Variants in PIEZO2 observed in about 807,000 individuals in gnomAD.
PIEZO2 encodes piezo type mechanosensitive ion channel component 2.
In PIEZO2, 172 loss-of-function variants were observed where a neutral mutation model predicts 337.3. That is an observed-to-expected ratio of 0.51 (90% confidence interval 0.45 to 0.58). PIEZO2 has a LOEUF of 0.58. PIEZO2 is among the 20% of genes least tolerant of loss of function. PIEZO2 has a pLI of 0.00. For missense variants in PIEZO2, 3,028 were observed against 3,391.3 expected (o/e 0.89, Z 2.66); for synonymous variants, 1,251 against 1,228.5 (o/e 1.02, Z -0.38).
chr18:10,978,465 A>T (rs1313296709), intron 3 of PIEZO2, among the ~76,000 whole-genome samples: 1 of 152,234 alleles, frequency 6.6e-6, no homozygotes, highest in Non-Finnish European at 1.5e-5. Flanking sequence ...GATCTTAAAA[A>T]ATCGTCTTGA....
rs2033818448 is a variant in PIEZO2 at position 10,672,363 on chromosome 18, G to A, written c.8345+327C>T. Among the ~76,000 whole-genome samples, 1 of 152,134 alleles carries A rather than the reference G, an allele frequency of 6.6e-6. No individual in the cohort carries two copies. Among genetic ancestry groups the A allele is most frequent in the Non-Finnish European group, 1.5e-5 (1 of 68,012 alleles). ...ATGTCTAATAGATCCATCTGCTAAGGATTAGAAGGAAATCTAAGCAGAAAA... is the reference window on the plus strand; with the variant it reads ...ATGTCTAATAGATCCATCTGCTAAGAATTAGAAGGAAATCTAAGCAGAAAA... On this transcript the variant is annotated intron_variant, in intron 55 of 55. Transcript: ENST00000674853. This position sits in a 1 kb window ranked among gnomAD's most constrained non-coding sequence, Gnocchi z 4.7.
At chr18:10,990,443 A>G (rs2145550580) in intron 2 of PIEZO2, among the ~76,000 whole-genome samples, 1 of 152,242 alleles carries the variant, frequency 6.6e-6, no homozygotes, top group Admixed American at 6.5e-5. Context: ...CTCTCCACTC[A>G]AAGCTGGAGA....
At chr18:10,976,383 A>G (rs1198656495) in intron 3 of PIEZO2, among the ~76,000 whole-genome samples, 2 of 152,220 alleles carry the variant, frequency 1.3e-5, no homozygotes, top group East Asian at 3.8e-4. Flanking sequence ...ATTTCTATAA[A>G]CCCACCTTCA....
intron 7 of PIEZO2, among the ~76,000 whole-genome samples, chr18:10,811,888 C>T (rs1598517165): frequency 1.3e-5 from 2 of 152,176 alleles, no homozygotes; most frequent in African/African-American, 4.8e-5. Context: ...GGCTGGAGTG[C>T]AGTGGTGCGA....
At position 10,699,024 on chromosome 18, in the gene PIEZO2, T is replaced by C. The variant is rs975638914; in HGVS notation, c.6595A>G (p.Thr2199Ala). ...ACAGCTGTCTGCTGCTCCGGGAAGG[T>C]CACATGCACTGACTCCACAGACGCG... ...LAASVESVHV[T>A]FPEQQTAVRR... Residue 2199 changes from threonine to alanine, a missense_variant, in exon 44 of 56, where the codon ACC (threonine) becomes GCC (alanine). By Grantham distance (58) the Thr-to-Ala change is moderately conservative. Coordinates refer to ENST00000674853, the MANE Select transcript of PIEZO2 (RefSeq NM_001378183.1). The C allele has an allele frequency of 2.0e-6, 3 of 1,536,928 alleles. No individual in the cohort carries two copies. The highest frequency in any genetic ancestry group is 3.9e-5 in the Admixed American group (2 of 50,970).
chr18:10,786,888 A>C, intron 16 of PIEZO2, 148 bp downstream of exon 16: 1 of 808,846 alleles, frequency 1.2e-6, no homozygotes, highest in Non-Finnish European at 1.9e-6. Context: ...AAGAGAACAC[A>C]AAAACGACTC....
At chr18:10,904,439 C>T (rs896038272) in intron 4 of PIEZO2, among the ~76,000 whole-genome samples, 13 of 149,874 alleles carry the variant, frequency 8.7e-5, no homozygotes, top group African/African-American at 2.7e-4. Flanking sequence ...GTAGTACTTC[C>T]CCCCAGTCAC....
rs2038747127 is a variant in PIEZO2, at chr18:10,775,366, G to A, written c.2535-1328C>T. ...GTGAAATGTTATTAAATGTGGAAGT[G>A]ATCGGCTGCTGCACAGTCGTCAGTA... is the stretch of plus-strand genomic sequence containing the variant. On this transcript the variant is annotated intron_variant, in intron 18 of 55. Transcript: ENST00000674853. This position sits in a 1 kb window ranked among gnomAD's most constrained non-coding sequence, Gnocchi z 4.3. Among the ~76,000 whole-genome samples the A allele has an allele frequency of 6.6e-6, 1 of 152,158 alleles. No homozygotes were observed. Among genetic ancestry groups the A allele is most frequent in the Non-Finnish European group, 1.5e-5 (1 of 68,048 alleles).
chr18:10,968,443 G>C (rs1568250356), intron 3 of PIEZO2, among the ~76,000 whole-genome samples: 1 of 152,050 alleles, frequency 6.6e-6, no homozygotes, highest in Non-Finnish European at 1.5e-5. Context: ...ACACTTTTTT[G>C]GTTCCATATG....
chr18:10,844,230 C>T (rs142526986), intron 7 of PIEZO2, among the ~76,000 whole-genome samples: 52 of 151,738 alleles, frequency 3.4e-4, no homozygotes, highest in African/African-American at 1.1e-3. Flanking sequence ...ACCAGCCTGG[C>T]CAACATGGCG....
rs1023221375 is a variant in PIEZO2, at chr18:10,863,309, T to C, written c.493-6098A>G. Reference sequence around the variant, plus strand: ...AAAAGATAGATGTGTTTGAATGCTATTGTGTGTACCTTATGCAAGCCTAAC... The same window carrying C: ...AAAAGATAGATGTGTTTGAATGCTACTGTGTGTACCTTATGCAAGCCTAAC... On this transcript the variant is annotated intron_variant, in intron 5 of 55. Coordinates refer to ENST00000674853, the MANE Select transcript of PIEZO2 (RefSeq NM_001378183.1). This position sits in a 1 kb window ranked among gnomAD's most constrained non-coding sequence, Gnocchi z 4.3. Among the ~76,000 whole-genome samples, 1 of 152,238 alleles carries C rather than the reference T, an allele frequency of 6.6e-6. No homozygotes were observed. The highest frequency in any genetic ancestry group is 1.5e-5 in the Non-Finnish European group (1 of 68,048).
At chr18:10,770,602 G>T (rs773590850) in intron 20 of PIEZO2, among the ~76,000 whole-genome samples, 1 of 152,064 alleles carries the variant, frequency 6.6e-6, no homozygotes, top group South Asian at 2.1e-4. Context: ...CCACTCGCTT[G>T]CTTGCTTGCT....
chr18:11,061,408 C>T (rs1248781695), intron 2 of PIEZO2, among the ~76,000 whole-genome samples: 1 of 150,558 alleles, frequency 6.6e-6, no homozygotes, highest in African/African-American at 2.4e-5. Context: ...CTGGCCAGGG[C>T]AATCAGGCAG....
chr18:10,802,544 T>A (rs982472312), intron 9 of PIEZO2, among the ~76,000 whole-genome samples: 29 of 152,354 alleles, frequency 1.9e-4, no homozygotes, highest in African/African-American at 6.7e-4. Flanking sequence ...CATATCTATT[T>A]AATGTCTAGC....
At chr18:11,046,102 C>G (rs2037304916) in intron 2 of PIEZO2, among the ~76,000 whole-genome samples, 1 of 152,216 alleles carries the variant, frequency 6.6e-6, no homozygotes, top group Non-Finnish European at 1.5e-5. Flanking sequence ...CCCCAATCAA[C>G]TGGCTGGTCC....
intron 1 of PIEZO2, among the ~76,000 whole-genome samples, chr18:11,084,709 C>T (rs2038859969): frequency 6.6e-6 from 1 of 152,156 alleles, no homozygotes; most frequent in Non-Finnish European, 1.5e-5. Flanking sequence ...ATAAAAACTC[C>T]ACCAGACATC....
At position 10,797,197 on chromosome 18, in the gene PIEZO2, CCAT is replaced by C. The variant is rs549299218; in HGVS notation, c.1527+174_1527+176del. Among the ~76,000 whole-genome samples the C allele has an allele frequency of 1.8e-3, 237 of 134,268 alleles. 1 individual carries two copies. The highest frequency in any genetic ancestry group is 5.6e-3 in the African/African-American group (221 of 39,784). 88.1% of individuals were successfully genotyped at this position (134,268 alleles called of 152,430 possible). Reference sequence around the variant, plus strand: ...TATACCTACCATCATATCATACATACCATCATATCATATCTTACATACCATCAT... The same window carrying C: ...TATACCTACCATCATATCATACATACCATATCATATCTTACATACCATCAT... On this transcript the variant is annotated intron_variant, in intron 12 of 55. Transcript: ENST00000674853.
intron 2 of PIEZO2, among the ~76,000 whole-genome samples, chr18:11,004,771 A>G (rs1316492069): frequency 6.6e-6 from 1 of 152,240 alleles, no homozygotes; most frequent in Non-Finnish European, 1.5e-5. Flanking sequence ...GTAATTTCCT[A>G]AAGTGAATTG....
intron 1 of PIEZO2, among the ~76,000 whole-genome samples, chr18:11,140,388 G>A (rs2040609250): frequency 6.6e-6 from 1 of 152,156 alleles, no homozygotes; most frequent in Admixed American, 6.5e-5. Flanking sequence ...AACTGTCAGA[G>A]CCCTTTCTAA....
Sources: allele counts gnomAD v4.1 joint callset (sites outside exome capture counted in the v4.1 genomes callset), GRCh38; gene constraint gnomAD v4.1.1; non-coding constraint Gnocchi (gnomAD v3.1); transcripts MANE v1.5; gene names NCBI Gene and HGNC (gene_info 2026-07-23, HGNC 2026-07-21).